Variants in GINS1 observed in about 807,000 individuals in gnomAD.
The protein encoded by GINS1 is DNA replication complex GINS protein PSF1.
In GINS1, 26 loss-of-function variants were observed where a neutral mutation model predicts 34.9. The observed-to-expected ratio is 0.74, with a 90% CI of 0.55 to 1.03. GINS1 has a LOEUF of 1.03. Among genes scored for constraint, GINS1 ranks in the 50% least tolerant of loss-of-function variants. The pLI is 0.00. For missense variants in GINS1, 235 were observed against 237.9 expected, an observed-to-expected ratio of 0.99 and a Z score of 0.08; for synonymous variants, 97 against 84.4, an observed-to-expected ratio of 1.15 and a Z score of -0.82.
intron 2 of GINS1, among the ~76,000 whole-genome samples, chr20:25,414,415 A>C (rs2090307462): frequency 6.6e-6 from 1 of 152,142 alleles, no homozygotes; most frequent in Non-Finnish European, 1.5e-5. Flanking sequence ...ACCCTAAAAT[A>C]AAAAATAAAA....
At chr20:25,427,238 C>G (rs1026797367) in intron 5 of GINS1, among the ~76,000 whole-genome samples, 3 of 152,178 alleles carry the variant, frequency 2.0e-5, no homozygotes, top group African/African-American at 7.2e-5. Flanking sequence ...GATCTCGGCT[C>G]AACCTGCAAC....
intron 5 of GINS1, among the ~76,000 whole-genome samples, chr20:25,431,054 T>C (rs190537494): frequency 1.3e-5 from 2 of 152,212 alleles, no homozygotes; most frequent in Non-Finnish European, 2.9e-5. Context: ...TTTTCTTTAT[T>C]GAGAGATTTT....
chr20:25,420,929 G>C (rs1375302667), intron 4 of GINS1: 48 of 983,348 alleles, frequency 4.9e-5, no homozygotes, highest in Non-Finnish European at 5.2e-5. Context: ...CTCTGCTTGA[G>C]CAATTGCATC....
chr20:25,418,278 C>T (rs1346246361), intron 4 of GINS1, 83 bp downstream of exon 4: 1 of 855,742 alleles, frequency 1.2e-6, no homozygotes, highest in East Asian at 2.4e-5. Context: ...ATTGGTATTC[C>T]TCTTTTTGTG....
chr20:25,436,302 T>G (rs1452293697), intron 5 of GINS1, among the ~76,000 whole-genome samples: 4 of 152,186 alleles, frequency 2.6e-5, no homozygotes, highest in African/African-American at 9.6e-5. Flanking sequence ...TTGATTATAA[T>G]GTGTCTCATT....
chr20:25,428,430 G>A (rs141550761), intron 5 of GINS1, among the ~76,000 whole-genome samples: 2,443 of 110,158 alleles, frequency 0.022, 81 homozygotes, highest in African/African-American at 0.082. Context: ...TTGAGACAGA[G>A]TCTCTGTCTG....
intron 2 of GINS1, among the ~76,000 whole-genome samples, chr20:25,416,808 T>C (rs1202268178): frequency 1.3e-5 from 2 of 152,200 alleles, no homozygotes; most frequent in Non-Finnish European, 1.5e-5. Context: ...TCCTGAAAAG[T>C]GAATAACACA....
In GINS1 at chr20:25,417,134, T is replaced by G. The variant is rs1302523431; in HGVS notation, c.171T>G (p.Asp57Glu). Residue 57 changes from aspartate (D) to glutamate (E), a missense_variant, in exon 3 of 7, where the codon GAT (aspartate) becomes GAG (glutamate). Asp to Glu is a conservative substitution (Grantham distance 45). Coordinates refer to ENST00000262460, the MANE Select transcript of GINS1 (RefSeq NM_021067.5). ...VNEAKSGGRS[D>E]LIPTIKFRHC... is the part of the protein sequence containing the mutation. ...AAGCAAAGTCAGGTGGACGAAGTGA[T>G]TTGATACCAACTATCAAATTTCGAC... is the stretch of plus-strand genomic sequence containing the variant. 1 of 1,589,342 alleles carries G rather than the reference T, an allele frequency of 6.3e-7. No homozygotes were observed. Among genetic ancestry groups the G allele is most frequent in the Non-Finnish European group, 8.6e-7 (1 of 1,158,182 alleles).
At chr20:25,409,970 GT>G (rs1242577125) in intron 1 of GINS1, among the ~76,000 whole-genome samples, 1 of 152,202 alleles carries the variant, frequency 6.6e-6, no homozygotes, top group African/African-American at 2.4e-5. Context: ...CTGACACTTA[GT>G]TTAGCTCTCT....
chr20:25,443,168 C>G (rs1255081220), intron 6 of GINS1: 2 of 152,074 alleles, frequency 1.3e-5, no homozygotes, highest in East Asian at 3.8e-4. Context: ...AACTATTTTA[C>G]TAATAGTTGA....
In GINS1 at chr20:25,407,899, A is replaced by G. The variant is rs762568175; in HGVS notation, c.75+4A>G. Reference sequence around the variant, plus strand: ...AGGGCAACTGCCTGCCTTCAACGTGAGGGGCGGGTAGACTTGGACGGGGCA... The same window carrying G: ...AGGGCAACTGCCTGCCTTCAACGTGGGGGGCGGGTAGACTTGGACGGGGCA... On this transcript the variant is annotated splice_donor_region_variant and intron_variant, in intron 1 of 6. Transcript: ENST00000262460. The G allele has an allele frequency of 1.2e-6, 2 of 1,608,740 alleles. No homozygotes were observed. Among genetic ancestry groups the G allele is most frequent in the Non-Finnish European group, 1.7e-6 (2 of 1,175,406 alleles).
intron 6 of GINS1, among the ~76,000 whole-genome samples, chr20:25,443,434 G>A (rs2090493417): frequency 6.7e-6 from 1 of 150,266 alleles, no homozygotes; most frequent in Non-Finnish European, 1.5e-5. Context: ...CAAGATATGT[G>A]AAATGTCCCT....
In GINS1 at chr20:25,445,983, C is replaced by A; in HGVS notation, c.583C>A (p.Leu195Met). ...CAGACAAGGAGTCCTGGAGCACATC[C>A]TGTCATGACCATGCGCCGAGGCACT... ...LIRQGVLEHI[L>M]S Residue 195 changes from leucine (L) to methionine (M), a missense_variant, in exon 7 of 7, where the codon CTG becomes ATG. Transcript: ENST00000262460. The A allele has an allele frequency of 6.2e-7, 1 of 1,605,046 alleles. No homozygotes were observed. Among genetic ancestry groups the A allele is most frequent in the Non-Finnish European group, 8.5e-7 (1 of 1,172,272 alleles).
chr20:25,441,453 T>A (rs893480696), intron 5 of GINS1, among the ~76,000 whole-genome samples: 4 of 152,130 alleles, frequency 2.6e-5, no homozygotes, highest in Non-Finnish European at 5.9e-5. Flanking sequence ...AACATCGTTG[T>A]CTCCCTGCAT....
At chr20:25,432,532 T>C (rs764689285) in intron 5 of GINS1, among the ~76,000 whole-genome samples, 19 of 152,116 alleles carry the variant, frequency 1.2e-4, no homozygotes, top group Non-Finnish European at 2.6e-4. Context: ...AGTGGTGCGA[T>C]CTTGGCTCAC....
chr20:25,412,048 C>T (rs2090289031), intron 1 of GINS1, among the ~76,000 whole-genome samples: 1 of 151,972 alleles, frequency 6.6e-6, no homozygotes, highest in Non-Finnish European at 1.5e-5. Context: ...GCAGAGGTTG[C>T]AGTGAGCTGA....
intron 1 of GINS1, among the ~76,000 whole-genome samples, chr20:25,411,724 C>T (rs1468194503): frequency 6.6e-6 from 1 of 152,036 alleles, no homozygotes; most frequent in Non-Finnish European, 1.5e-5. Flanking sequence ...GGGTGGATTG[C>T]CTGAGGTCAG....
At chr20:25,411,164 A>G (rs1340166552) in intron 1 of GINS1, 1 of 152,230 alleles carries the variant, frequency 6.6e-6, no homozygotes, top group Admixed American at 6.5e-5. Flanking sequence ...AGTCCCAGCA[A>G]CTTAGGAGGC....
intron 5 of GINS1, among the ~76,000 whole-genome samples, chr20:25,426,240 A>G (rs1442418416): frequency 6.6e-6 from 1 of 152,070 alleles, no homozygotes; most frequent in Non-Finnish European, 1.5e-5. Flanking sequence ...TTCAGGGTTC[A>G]TTTCTGTGGT....
Sources: allele counts gnomAD v4.1 joint callset (sites outside exome capture counted in the v4.1 genomes callset), GRCh38; gene constraint gnomAD v4.1.1; transcripts MANE v1.5; gene names NCBI Gene and HGNC (gene_info 2026-07-23, HGNC 2026-07-21).